Variants in STK32B observed in about 807,000 individuals in gnomAD.
STK32B encodes serine/threonine kinase 32B, also known as serine/threonine-protein kinase 32B.
STK32B carries 43 observed loss-of-function variants against 52.6 expected under a neutral mutation model. The observed-to-expected ratio is 0.82, with a 90% confidence interval of 0.64 to 1.05. The LOEUF is 1.05. Ranked by LOEUF, STK32B falls within the 50% of genes least tolerant of loss-of-function variation. The probability of loss-of-function intolerance (pLI) is 0.00; values close to 1 mark genes in which losing one functional copy is unlikely to be tolerated. For missense variants in STK32B, 621 were observed against 534.6 expected, an observed-to-expected ratio of 1.16 and a Z score of -1.59; for synonymous variants, 238 against 204.3, an observed-to-expected ratio of 1.17 and a Z score of -1.41.
At chr4:5,176,284 G>A (rs184373905) in intron 3 of STK32B, among the ~76,000 whole-genome samples, 17 of 152,014 alleles carry the variant, frequency 1.1e-4, no homozygotes, top group Non-Finnish European at 2.2e-4. Flanking sequence ...TTTGGTTCAC[G>A]CATGGTGTGC....
intron 3 of STK32B, among the ~76,000 whole-genome samples, chr4:5,267,273 T>C (rs1005324837): frequency 6.6e-6 from 1 of 152,162 alleles, no homozygotes; most frequent in African/African-American, 2.4e-5. Flanking sequence ...TGCAATGCCA[T>C]TGACATGCTT....
At chr4:5,099,454 G>GCGCGCGTGCGCGTGCACA (rs68114862) in intron 1 of STK32B, among the ~76,000 whole-genome samples, 1 of 129,744 alleles carries the variant, frequency 7.7e-6, no homozygotes, top group African/African-American at 2.6e-5. Flanking sequence ...GTGTGTGCGC[G>GCGCGCGTGCGCGTGCACA]CGCGCGTATG....
chr4:5,316,211 TTACATA>T (rs1730690083), intron 3 of STK32B, among the ~76,000 whole-genome samples: 1 of 79,718 alleles, frequency 1.3e-5, no homozygotes, highest in Non-Finnish European at 1.9e-5. Context: ...ATAATATATA[TTACATA>T]ATATATTATA....
At chr4:5,485,527 C>T (rs1456416295) in intron 11 of STK32B, among the ~76,000 whole-genome samples, 1 of 152,086 alleles carries the variant, frequency 6.6e-6, no homozygotes, top group African/African-American at 2.4e-5. Flanking sequence ...TTGCCATGGG[C>T]TCAAACTTCC....
chr4:5,412,080 A>G (rs910416839), intron 5 of STK32B, among the ~76,000 whole-genome samples: 1 of 152,202 alleles, frequency 6.6e-6, no homozygotes, highest in African/African-American at 2.4e-5. Flanking sequence ...ATGAATTTCC[A>G]TGTGTTCAAA....
At chr4:5,028,420 CT>C in the STK32B span, among the ~76,000 whole-genome samples, 1 of 152,224 alleles carries the variant, frequency 6.6e-6, no homozygotes, top group Non-Finnish European at 1.5e-5. Context: ...TTGAGTTTCC[CT>C]GTCCCCTTGA....
chr4:5,172,207 G>C (rs1199747505), intron 3 of STK32B, among the ~76,000 whole-genome samples: 1 of 152,046 alleles, frequency 6.6e-6, no homozygotes, highest in African/African-American at 2.4e-5. Flanking sequence ...GGAGATTTTG[G>C]GCTGAGACAA....
intron 3 of STK32B, among the ~76,000 whole-genome samples, chr4:5,281,473 G>A (rs1445162184): frequency 6.6e-6 from 1 of 152,102 alleles, no homozygotes; most frequent in African/African-American, 2.4e-5. Flanking sequence ...AGAGCATTAG[G>A]ACAAATACCT....
In STK32B at chr4:5,460,562, C is replaced by T. The variant is rs1404583760; in HGVS notation, c.909+334C>T. ...GAGCTGACTGCCGAGTAGAGGAAGA[C>T]AGGCAATGACCTACCCCGACAGGGC... On this transcript the variant is annotated intron_variant, in intron 9 of 11. Coordinates refer to ENST00000282908, the MANE Select transcript of STK32B (RefSeq NM_018401.3). This position sits in a 1 kb window ranked among gnomAD's most constrained non-coding sequence, Gnocchi z 4.8. Among the ~76,000 whole-genome samples, 2 of 152,180 alleles carry T rather than the reference C, an allele frequency of 1.3e-5. No individual in the cohort carries two copies. The highest frequency in any genetic ancestry group is 4.8e-5 in the African/African-American group (2 of 41,442).
chr4:5,479,199 A>C (rs1718486774), intron 11 of STK32B, among the ~76,000 whole-genome samples: 1 of 149,256 alleles, frequency 6.7e-6, no homozygotes, highest in African/African-American at 2.5e-5. Context: ...GGCTCACTGC[A>C]ACCTCCGCCT....
chr4:5,239,057 C>G (rs1377757674), intron 3 of STK32B, among the ~76,000 whole-genome samples: 1 of 152,024 alleles, frequency 6.6e-6, no homozygotes, highest in Non-Finnish European at 1.5e-5. Flanking sequence ...CAGAAAAGCC[C>G]TTTGGAGTGG....
At chr4:5,459,433 G>A (rs766474839) in intron 8 of STK32B, among the ~76,000 whole-genome samples, 5 of 152,184 alleles carry the variant, frequency 3.3e-5, no homozygotes, top group Admixed American at 6.5e-5. Flanking sequence ...CTCGCCCAAG[G>A]TCACAGCTGT....
chr4:5,072,444 T>C (rs920262555), intron 1 of STK32B, among the ~76,000 whole-genome samples: 1 of 152,190 alleles, frequency 6.6e-6, no homozygotes, highest in African/African-American at 2.4e-5. Flanking sequence ...ACTTTTCTCT[T>C]CTTTGCACAT....
intron 7 of STK32B, among the ~76,000 whole-genome samples, chr4:5,452,350 C>T (rs372997532): frequency 2.6e-5 from 4 of 151,876 alleles, no homozygotes; most frequent in African/African-American, 7.3e-5. Context: ...ATGTACAAGG[C>T]GTGGGTGGGC....
In STK32B at chr4:5,178,310, C is replaced by A. The variant is rs574861950; in HGVS notation, c.260+9860C>A. 1.1e-4 allele frequency among the ~76,000 whole-genome samples: 17 copies of A among 152,306 alleles called. No individual in the cohort carries two copies. In the South Asian group the frequency reaches 3.1e-3, roughly 28 times the overall value. Reference sequence around the variant, plus strand: ...CAGCCTGACCTGAACTTTGGCCTTTCTTAGCTACAGCTGGGACACAGGTCA... The same window carrying A: ...CAGCCTGACCTGAACTTTGGCCTTTATTAGCTACAGCTGGGACACAGGTCA... On this transcript the variant is annotated intron_variant, in intron 3 of 11. Transcript: ENST00000282908.
Position 5,398,394 on chromosome 4 carries a change from CTG to C in STK32B, c.472+154_472+155del. ...TGTTTCAATCCTGGTGGATCAACAT[CTG>C]TGTAAATTTCTGGTCCATGTCCTGC... On this transcript the variant is annotated intron_variant, in intron 5 of 11. Transcript: ENST00000282908. The surrounding 1 kb of genome is among the most constrained non-coding windows in gnomAD (Gnocchi z 4.9). 2.5e-6 allele frequency: 2 copies of C among 809,024 alleles called. No homozygotes were observed. Among genetic ancestry groups the C allele is most frequent in the African/African-American group, 1.7e-5 (1 of 58,240 alleles). 50.1% of individuals were successfully genotyped at this position (809,024 alleles called of 1,614,324 possible).
At chr4:5,495,560 C>A (rs1200832800) in intron 11 of STK32B, among the ~76,000 whole-genome samples, 1 of 152,216 alleles carries the variant, frequency 6.6e-6, no homozygotes, top group Non-Finnish European at 1.5e-5. Flanking sequence ...TCGTCTGAAG[C>A]CTTCTTCTCT....
At chr4:5,161,896 C>G (rs1027998271) in intron 2 of STK32B, among the ~76,000 whole-genome samples, 1 of 151,964 alleles carries the variant, frequency 6.6e-6, no homozygotes. Flanking sequence ...GCATAACCAG[C>G]ATCTTTTAAT....
rs751645283 is a variant in STK32B at position 5,460,093 on chromosome 4, C to CT, written c.784-9dup. ...CAATTCATGGAAACTCATTTGCCCT[C>CT]TAACTGCAGCTCCTGACCAAGGATC... On this transcript the variant is annotated splice_polypyrimidine_tract_variant and intron_variant, in intron 8 of 11. Transcript: ENST00000282908. This position sits in a 1 kb window ranked among gnomAD's most constrained non-coding sequence, Gnocchi z 4.8. The CT allele has an allele frequency of 6.2e-7, 1 of 1,614,236 alleles. No individual in the cohort carries two copies. The highest frequency in any genetic ancestry group is 8.5e-7 in the Non-Finnish European group (1 of 1,180,022).
Sources: allele counts gnomAD v4.1 joint callset (sites outside exome capture counted in the v4.1 genomes callset), GRCh38; gene constraint gnomAD v4.1.1; non-coding constraint Gnocchi (gnomAD v3.1); transcripts MANE v1.5; gene names NCBI Gene and HGNC (gene_info 2026-07-23, HGNC 2026-07-21).